Variants in ZNF536 observed in about 807,000 individuals in gnomAD.
ZNF536 encodes the protein zinc finger protein 536.
ZNF536 carries 13 observed loss-of-function variants against 84.5 expected under a neutral mutation model. The observed-to-expected ratio is 0.15, with a 90% CI of 0.10 to 0.24. The LOEUF (loss-of-function observed/expected upper bound fraction) is 0.24. Ranked by LOEUF, ZNF536 falls within the 10% of genes least tolerant of loss-of-function variation. ZNF536 has a pLI of 1.00. For missense variants in ZNF536, 1,536 were observed against 1,747.5 expected (o/e 0.88, Z 2.16); for synonymous variants, 811 against 742.5 (o/e 1.09, Z -1.50).
At chr19:30,275,603 C>A (rs779598974) in intron 1 of ZNF536, among the ~76,000 whole-genome samples, 6 of 152,156 alleles carry the variant, frequency 3.9e-5, no homozygotes, top group Non-Finnish European at 8.8e-5. Context: ...GAGATTCACA[C>A]CCTGGGTCCC....
intron 1 of ZNF536, among the ~76,000 whole-genome samples, chr19:30,400,703 C>T (rs1197559614): frequency 1.3e-5 from 2 of 152,130 alleles, no homozygotes; most frequent in Admixed American, 6.6e-5. Context: ...GCAGATGAGA[C>T]TACAGGTGTG....
rs184626440 is a variant in ZNF536, at chr19:30,656,031, C to T, written c.170-54726C>T. The stretch of plus-strand genomic sequence containing the variant: ...TCCAGCCTTGGCAACAGAGCAAGAC[C>T]GTGTTTCATAAAAAAAAAAACCAAC... On this transcript the variant is annotated intron_variant, in intron 1 of 1. Transcript: ENST00000592773. Among the ~76,000 whole-genome samples, 1,335 of 151,492 alleles carry T rather than the reference C, an allele frequency of 8.8e-3. 10 individuals are homozygous for T. Among genetic ancestry groups the T allele is most frequent in the Admixed American group, 0.015 (226 of 15,250 alleles).
chr19:30,649,357 A>G (rs775159394), intron 1 of ZNF536, among the ~76,000 whole-genome samples: 1 of 152,232 alleles, frequency 6.6e-6, no homozygotes, highest in Non-Finnish European at 1.5e-5. Context: ...GGCTCTTAAC[A>G]GGGGGACATA....
At chr19:30,417,146 G>GTTTTTT (rs1160366060) in intron 1 of ZNF536, among the ~76,000 whole-genome samples, 2 of 85,204 alleles carry the variant, frequency 2.3e-5, no homozygotes, top group Admixed American at 1.4e-4. Context: ...GCTAATTTTT[G>GTTTTTT]TATTTTTTTT....
intron 1 of ZNF536, among the ~76,000 whole-genome samples, chr19:30,235,958 A>C (rs2023463061): frequency 6.6e-6 from 1 of 152,268 alleles, no homozygotes; most frequent in Non-Finnish European, 1.5e-5. Flanking sequence ...TCTGTTCATT[A>C]AACTCAGTGC....
chr19:30,273,531 A>G (rs1275679793), intron 1 of ZNF536, among the ~76,000 whole-genome samples: 2 of 152,158 alleles, frequency 1.3e-5, no homozygotes, highest in East Asian at 3.9e-4. Flanking sequence ...CTGTCTGTAT[A>G]TCTTCTTTGG....
chr19:30,528,208 T>C (rs796341954), intron 2 of ZNF536, among the ~76,000 whole-genome samples: 11 of 152,310 alleles, frequency 7.2e-5, no homozygotes, highest in African/African-American at 2.6e-4. Context: ...ACCATCATCA[T>C]TGCCAACAGC....
chr19:30,461,823 T>TG (rs2053151646), intron 2 of ZNF536, among the ~76,000 whole-genome samples: 1 of 152,184 alleles, frequency 6.6e-6, no homozygotes, highest in Non-Finnish European at 1.5e-5. Flanking sequence ...ATGGCCTGCA[T>TG]GTGTGGCTGG....
intron 1 of ZNF536, among the ~76,000 whole-genome samples, chr19:30,670,530 C>T (rs979391057): frequency 2.6e-5 from 4 of 152,228 alleles, no homozygotes; most frequent in African/African-American, 4.8e-5. Context: ...TCCTTGTCAT[C>T]GTTGTCTTCT....
chr19:30,509,540 T>TTA lies in ZNF536; in HGVS notation c.2171-25300_2171-25299dup, dbSNP rs569960648. On this transcript the variant is annotated intron_variant, in intron 2 of 4. Coordinates refer to ENST00000355537, the MANE Select transcript of ZNF536 (RefSeq NM_014717.3). ...ATAATTTATATATAGTAACATATAT[T>TTA]TATATATAATTTTACTGTGTATATT... 6.6e-4 allele frequency among the ~76,000 whole-genome samples: 99 copies of TTA among 149,552 alleles called. 2 individuals are homozygous for TTA. In the East Asian group the frequency reaches 0.016, roughly 24 times the overall value.
chr19:30,300,506 G>T (rs868597917), intron 2 of ZNF536: 2 of 152,116 alleles, frequency 1.3e-5, no homozygotes, highest in Non-Finnish European at 2.9e-5. Flanking sequence ...TTATGGAAAA[G>T]AATTGCCCAG....
At chr19:30,682,762 C>A (rs1201895028) in intron 1 of ZNF536, among the ~76,000 whole-genome samples, 1 of 152,156 alleles carries the variant, frequency 6.6e-6, no homozygotes, top group Non-Finnish European at 1.5e-5. Flanking sequence ...CCAACACCCT[C>A]CATCCAGGCA....
At chr19:30,426,192 G>T (rs1451672373) in intron 1 of ZNF536, among the ~76,000 whole-genome samples, 1 of 152,154 alleles carries the variant, frequency 6.6e-6, no homozygotes. Context: ...AAAATGCTCT[G>T]GCTATTAAAA....
Position 30,479,503 on chromosome 19 carries a change from A to G in ZNF536, c.2170+33771A>G, listed in dbSNP as rs138845461. Among the ~76,000 whole-genome samples, 34 of 152,342 alleles carry G rather than the reference A, an allele frequency of 2.2e-4. No individual in the cohort carries two copies. The East Asian group carries it at 4.6e-3, about 21-fold the overall frequency. ...TTGCTAGTTGGCTGCTGTTTCGACT[A>G]CAGACCAGATGTGGAAAAGGTCAAC... On this transcript the variant is annotated intron_variant, in intron 2 of 4. Transcript: ENST00000355537.
chr19:30,712,359 G>A (rs1321731502), exon 2 of ZNF536: 1 of 151,778 alleles, frequency 6.6e-6, no homozygotes, highest in Non-Finnish European at 1.5e-5. Flanking sequence ...CATGAAATTG[G>A]TGCTGTTGCT....
At position 30,661,102 on chromosome 19, in the gene ZNF536, C is replaced by T. The variant is rs186442568; in HGVS notation, c.170-49655C>T. Among the ~76,000 whole-genome samples, 572 of 152,262 alleles carry T rather than the reference C, an allele frequency of 3.8e-3. 13 individuals carry two copies. The highest frequency in any genetic ancestry group is 1.9e-3 in the Non-Finnish European group (128 of 68,018). On this transcript the variant is annotated intron_variant, in intron 1 of 1. Transcript: ENST00000592773. ...CTATTTAAACAAGATAAGAGACCAG[C>T]AATGCTCTCAAATTCAAAAATTAAA...
chr19:30,305,841 G>A (rs2046326529), intron 2 of ZNF536, among the ~76,000 whole-genome samples: 1 of 152,216 alleles, frequency 6.6e-6, no homozygotes, highest in African/African-American at 2.4e-5. Flanking sequence ...GCCAGCGTGG[G>A]TGAGGAAAGG....
At chr19:30,246,789 T>C (rs1488373892) in intron 1 of ZNF536, among the ~76,000 whole-genome samples, 4 of 152,268 alleles carry the variant, frequency 2.6e-5, no homozygotes, top group African/African-American at 9.6e-5. Flanking sequence ...CTAGCTTTTT[T>C]CTTTTTCAAT....
chr19:30,441,366 G>A (rs1038657684), intron 1 of ZNF536, among the ~76,000 whole-genome samples: 11 of 152,364 alleles, frequency 7.2e-5, no homozygotes, highest in African/African-American at 2.2e-4. Flanking sequence ...TATGGGGCTT[G>A]AAGGTGGAGA....
Sources: gnomAD v4.1 joint callset for allele counts (sites outside exome capture counted in the v4.1 genomes callset) on GRCh38, gnomAD v4.1.1 for gene constraint, MANE v1.5 for transcripts, NCBI Gene and HGNC (gene_info 2026-07-23, HGNC 2026-07-21) for gene names.